The following C6orf89 variants were observed in gnomAD, a reference collection of about 807,000 sequenced individuals.
C6orf89 encodes the protein chromosome 6 open reading frame 89.
C6orf89 carries 29 observed loss-of-function variants against 40.7 expected under a neutral mutation model. The ratio of observed to expected loss-of-function variants is 0.71; its 90% CI spans 0.53 to 0.97. The LOEUF (loss-of-function observed/expected upper bound fraction) is 0.97. Among genes scored for constraint, C6orf89 ranks in the 50% least tolerant of loss-of-function variants. The pLI, the probability that C6orf89 is intolerant of heterozygous loss-of-function variation, is 0.00. For synonymous variants in C6orf89, 165 were observed against 152.2 expected (o/e 1.08, Z -0.62); for missense variants, 392 against 429.1 (o/e 0.91, Z 0.76).
chr6:36,879,865 G>A (rs1774757483), intron 2 of C6orf89, among the ~76,000 whole-genome samples: 1 of 152,138 alleles, frequency 6.6e-6, no homozygotes, highest in Non-Finnish European at 1.5e-5. Context: ...TAGGGTTTAT[G>A]CCATAGTTAG....
At chr6:36,897,053 C>T (rs1226499470) in intron 2 of C6orf89, among the ~76,000 whole-genome samples, 3 of 146,304 alleles carry the variant, frequency 2.1e-5, no homozygotes, top group Admixed American at 7.1e-5. Flanking sequence ...CGCTTGAACT[C>T]GGGAGGCGGA....
chr6:36,905,012 TAAG>T (rs1408309590), intron 4 of C6orf89, among the ~76,000 whole-genome samples: 3 of 152,124 alleles, frequency 2.0e-5, no homozygotes, highest in Admixed American at 6.5e-5. Flanking sequence ...ATGCTCTCAA[TAAG>T]AAGAATGAAG....
intron 2 of C6orf89, 45 bp from the exon 3 acceptor site, chr6:36,899,381 A>G (rs1390977056): frequency 6.3e-7 from 1 of 1,595,320 alleles, no homozygotes; most frequent in South Asian, 1.1e-5. Flanking sequence ...GTACCTAAAG[A>G]AACCACCTTT....
In C6orf89 at chr6:36,914,376, G is replaced by A. The variant is rs1224093003; in HGVS notation, c.496G>A (p.Val166Met). 5 of 1,614,100 alleles carry A rather than the reference G, an allele frequency of 3.1e-6. No individual in the cohort carries two copies. In the Admixed American group the frequency reaches 6.7e-5, roughly 22 times the overall value. Residue 166 changes from valine to methionine, a missense_variant, in exon 5 of 9, where the codon GTG becomes ATG. By Grantham distance (21) the Val-to-Met change is conservative. Coordinates refer to ENST00000480824, the MANE Select transcript of C6orf89 (RefSeq NM_001286635.2). ...TGGCTGTGCCCAGAAACACCTGAAG[G>A]TGATGCTCCTGGAAGACGCCCCAAG... is the stretch of plus-strand genomic sequence containing the variant. ...CTGCAQKHLK[V>M]MLLEDAPRKF...
At chr6:36,891,821 C>A (rs1761218783) in intron 1 of C6orf89, among the ~76,000 whole-genome samples, 1 of 152,184 alleles carries the variant, frequency 6.6e-6, no homozygotes, top group Non-Finnish European at 1.5e-5. Flanking sequence ...TTGAACTGTA[C>A]TGTTTCCCCT....
intron 1 of C6orf89, among the ~76,000 whole-genome samples, chr6:36,891,053 G>A (rs896773235): frequency 4.7e-4 from 71 of 152,088 alleles, no homozygotes; most frequent in African/African-American, 1.6e-3. Flanking sequence ...GTGTAGGTTT[G>A]TTACATATGT....
Position 36,875,725 on chromosome 6 carries a change from C to T in C6orf89, c.-627-3283C>T, listed in dbSNP as rs79893479. On this transcript the variant is annotated intron_variant, in intron 1 of 9. Transcript: ENST00000359359. ...CTAAGCATTTTATTGCGTATTTTCA[C>T]GCTTAATCTTCAAAATCCCACAAGG... Among the ~76,000 whole-genome samples, 241 of 152,368 alleles carry T rather than the reference C, an allele frequency of 1.6e-3. 2 individuals carry two copies. The highest frequency in any genetic ancestry group is 5.7e-3 in the African/African-American group (235 of 41,578).
intron 1 of C6orf89, among the ~76,000 whole-genome samples, chr6:36,891,027 G>T (rs1209489358): frequency 2.0e-5 from 3 of 151,698 alleles, no homozygotes; most frequent in Admixed American, 6.6e-5. Context: ...TAAGTTTTAG[G>T]GTACATGTGC....
chr6:36,923,340 C>T lies in C6orf89; in HGVS notation c.950-7C>T. The T allele has an allele frequency of 6.2e-7, 1 of 1,610,722 alleles. No individual in the cohort carries two copies. The highest frequency in any genetic ancestry group is 8.5e-7 in the Non-Finnish European group (1 of 1,177,098). ...TACATGCCTTCCTCTTGCTATTTCC[C>T]CTCAAGGCTATGTCGACACCACCCA... On this transcript the variant is annotated splice_region_variant and splice_polypyrimidine_tract_variant and intron_variant, in intron 8 of 8. Coordinates refer to ENST00000480824, the MANE Select transcript of C6orf89 (RefSeq NM_001286635.2).
At chr6:36,919,552 C>T (rs1412096318) in intron 7 of C6orf89, 26 bp from the exon 8 acceptor site, 1 of 1,598,842 alleles carries the variant, frequency 6.3e-7, no homozygotes, top group Non-Finnish European at 8.6e-7. Flanking sequence ...CCTTCCTTTT[C>T]CTCCCCTCCT....
intron 4 of C6orf89, among the ~76,000 whole-genome samples, chr6:36,913,841 C>T (rs1300858961): frequency 1.4e-5 from 2 of 146,470 alleles, no homozygotes; most frequent in Non-Finnish European, 3.0e-5. Flanking sequence ...TCAGCGGTCT[C>T]CAGTGCTTAT....
intron 7 of C6orf89, 46 bp downstream of exon 7, chr6:36,916,620 G>A: frequency 6.2e-7 from 1 of 1,611,624 alleles, no homozygotes; most frequent in Non-Finnish European, 8.5e-7. Context: ...TCTTTATTTG[G>A]GACCTGGACT....
chr6:36,875,558 G>A (rs543837033), intron 1 of C6orf89, among the ~76,000 whole-genome samples: 1 of 152,260 alleles, frequency 6.6e-6, no homozygotes, highest in African/African-American at 2.4e-5. Flanking sequence ...CGCAGGGCGC[G>A]AGGAACAGAA....
At chr6:36,876,744 AGAAGAAG>A in intron 1 of C6orf89, among the ~76,000 whole-genome samples, 1 of 145,040 alleles carries the variant, frequency 6.9e-6, no homozygotes, top group Non-Finnish European at 1.5e-5. Flanking sequence ...AAAAAAAAGA[AGAAGAAG>A]AAGAAGAAGA....
At chr6:36,883,335 T>A (rs1341924634), upstream of C6orf89, 2 of 152,136 alleles carry the variant, frequency 1.3e-5, no homozygotes, top group African/African-American at 4.8e-5. Context: ...GAACTGTACA[T>A]CCATTGGAAC....
intron 1 of C6orf89, among the ~76,000 whole-genome samples, chr6:36,889,422 A>C (rs78597653): frequency 6.6e-6 from 1 of 152,048 alleles, no homozygotes; most frequent in South Asian, 2.1e-4. Flanking sequence ...CTCTGAAGGG[A>C]GGGAGGGAGA....
At chr6:36,887,167 T>C (rs1049431093) in intron 1 of C6orf89, among the ~76,000 whole-genome samples, 4 of 151,470 alleles carry the variant, frequency 2.6e-5, no homozygotes, top group African/African-American at 9.7e-5. Flanking sequence ...CAGGCTGGAG[T>C]GCAGTGGCGT....
Position 36,899,568 on chromosome 6 carries a change from C to G in C6orf89, c.124C>G (p.Leu42Val), listed in dbSNP as rs761020486. The G allele has an allele frequency of 3.1e-6, 5 of 1,614,120 alleles. 1 individual carries two copies. The South Asian group carries it at 3.3e-5, about 11-fold the overall frequency. ...GGCAATTGAAAAATTTATCAGACAG[C>G]TGCTGGAAAAGAATGAACCTCAGAG... ...EKAIEKFIRQ[L>V]LEKNEPQRPP... Residue 42 changes from leucine (L) to valine (V), a missense_variant, in exon 3 of 9, where the codon CTG becomes GTG. Physicochemically the swap from Leu to Val is conservative, Grantham distance 32. Transcript: ENST00000480824.
At chr6:36,903,643 T>C (rs942713326) in intron 4 of C6orf89, among the ~76,000 whole-genome samples, 19 of 152,130 alleles carry the variant, frequency 1.2e-4, no homozygotes, top group African/African-American at 3.9e-4. Context: ...GTATTTCTAG[T>C]AGAGACAGGG....
Sources: allele counts gnomAD v4.1 joint callset (sites outside exome capture counted in the v4.1 genomes callset), GRCh38; gene constraint gnomAD v4.1.1; transcripts MANE v1.5; gene names NCBI Gene and HGNC (gene_info 2026-07-23, HGNC 2026-07-21).